Variants in BLNK observed in about 807,000 individuals in gnomAD.
BLNK encodes B-cell linker protein.
BLNK carries 29 observed loss-of-function variants against 73.5 expected under a neutral mutation model. The observed-to-expected ratio is 0.39, with a 90% CI of 0.29 to 0.54. The LOEUF is 0.54. BLNK is among the 20% of genes least tolerant of loss of function. The probability of loss-of-function intolerance (pLI) is 0.61; values close to 1 mark genes in which losing one functional copy is unlikely to be tolerated. For synonymous variants in BLNK, 176 were observed against 200.8 expected (o/e 0.88, Z 1.04); for missense variants, 460 against 562.8 (o/e 0.82, Z 1.85).
intron 16 of BLNK, among the ~76,000 whole-genome samples, chr10:96,193,617 C>T (rs1215170830): frequency 6.6e-6 from 1 of 152,152 alleles, no homozygotes; most frequent in African/African-American, 2.4e-5. Flanking sequence ...CCCTCACTCT[C>T]CTTTTTTTCT....
At chr10:96,257,475 A>G (rs1409458425) in intron 1 of BLNK, among the ~76,000 whole-genome samples, 5 of 152,238 alleles carry the variant, frequency 3.3e-5, no homozygotes, top group Non-Finnish European at 7.3e-5. Flanking sequence ...GAAAGGACCA[A>G]CAACTCTCAA....
chr10:96,210,003 G>T, intron 8 of BLNK, 96 bp from the exon 9 acceptor site: 1 of 1,289,950 alleles, frequency 7.8e-7, no homozygotes, highest in Non-Finnish European at 1.1e-6. Context: ...AGAAATATTT[G>T]CACATACTGT....
At chr10:96,259,670 C>CTTTTTTTTTTTTTTTTTTTTTTTTTTCT (rs57821919) in intron 1 of BLNK, among the ~76,000 whole-genome samples, 1 of 44,870 alleles carries the variant, frequency 2.2e-5, no homozygotes, top group Non-Finnish European at 3.7e-5. Flanking sequence ...CACACCCTAC[C>CTTTTTTTTTTTTTTTTTTTTTTTTTTCT]TTTTTTTTTT....
At chr10:96,203,288 AT>A (rs1276103307) in intron 13 of BLNK, among the ~76,000 whole-genome samples, 3 of 152,110 alleles carry the variant, frequency 2.0e-5, no homozygotes, top group South Asian at 2.1e-4. Context: ...TGTTGTCAGA[AT>A]TTTTTTTAAA....
chr10:96,253,785 G>A (rs1176834766), intron 1 of BLNK, among the ~76,000 whole-genome samples: 1 of 152,020 alleles, frequency 6.6e-6, no homozygotes, highest in Admixed American at 6.5e-5. Context: ...GGAGGCCAAG[G>A]CGGGCCGATC....
chr10:96,201,121 A>G (rs1033248910), intron 13 of BLNK, 63 bp from the exon 14 acceptor site: 16 of 1,399,146 alleles, frequency 1.1e-5, no homozygotes, highest in Middle Eastern at 1.7e-4. Flanking sequence ...TTCTATGCCT[A>G]TCCCCTAACA....
Position 96,223,433 on chromosome 10 carries a change from C to A in BLNK, c.525+393G>T, listed in dbSNP as rs1021969061. ...TGCCTTGGTCTCTCCTTCTGCCTTA[C>A]GCCCAGGAGGCAAGAATTGAGGTTG... On this transcript the variant is annotated intron_variant, in intron 6 of 16. Transcript: ENST00000224337. Among the ~76,000 whole-genome samples, 7 of 152,116 alleles carry A rather than the reference C, an allele frequency of 4.6e-5. No individual in the cohort carries two copies. The East Asian group carries it at 1.3e-3, about 29-fold the overall frequency.
chr10:96,243,418 G>A (rs1842938262), intron 2 of BLNK, among the ~76,000 whole-genome samples: 1 of 152,162 alleles, frequency 6.6e-6, no homozygotes. Flanking sequence ...ATGGTGGCAT[G>A]CACCTGTGGT....
intron 10 of BLNK, 130 bp downstream of exon 10, chr10:96,207,742 T>C: frequency 8.9e-7 from 1 of 1,118,878 alleles, no homozygotes; most frequent in Non-Finnish European, 1.3e-6. Context: ...CTTGGACTGC[T>C]TGGGCAGCAA....
At chr10:96,212,729 G>T (rs1160355030) in intron 8 of BLNK, among the ~76,000 whole-genome samples, 1 of 152,200 alleles carries the variant, frequency 6.6e-6, no homozygotes, top group African/African-American at 2.4e-5. Flanking sequence ...CACCAACTAG[G>T]CACCTGATGG....
At chr10:96,270,156 G>C (rs1181705802) in intron 1 of BLNK, among the ~76,000 whole-genome samples, 1 of 152,168 alleles carries the variant, frequency 6.6e-6, no homozygotes, top group Non-Finnish European at 1.5e-5. Flanking sequence ...GCATGTTCTT[G>C]AAATGGTTGA....
At chr10:96,198,439 A>T (rs1292577134) in intron 15 of BLNK, among the ~76,000 whole-genome samples, 5 of 152,218 alleles carry the variant, frequency 3.3e-5, no homozygotes, top group African/African-American at 1.2e-4. Context: ...GAGAAAATTG[A>T]TTTGGAATTA....
chr10:96,239,257 T>G, intron 3 of BLNK: 1 of 398,302 alleles, frequency 2.5e-6, no homozygotes. Flanking sequence ...GCTCACTTTA[T>G]CACTGGGCCC....
intron 3 of BLNK, among the ~76,000 whole-genome samples, chr10:96,231,365 T>C (rs1842492808): frequency 6.6e-6 from 1 of 152,192 alleles, no homozygotes; most frequent in Non-Finnish European, 1.5e-5. Flanking sequence ...TCCAATGTCT[T>C]AGTATGTGCC....
chr10:96,192,582 T>C (rs1297981878), intron 16 of BLNK, among the ~76,000 whole-genome samples: 1 of 152,186 alleles, frequency 6.6e-6, no homozygotes, highest in East Asian at 1.9e-4. Flanking sequence ...GAAAGCTTTA[T>C]AAACCTTCAT....
chr10:96,230,874 C>A, intron 3 of BLNK, 40 bp from the exon 4 acceptor site: 3 of 1,601,670 alleles, frequency 1.9e-6, no homozygotes, highest in Non-Finnish European at 2.6e-6. Flanking sequence ...CAAGTGTGAG[C>A]CTCAGCTGGC....
rs587690377 is a variant in BLNK at position 96,223,351 on chromosome 10, G to C, written c.525+475C>G. 1.6e-4 allele frequency among the ~76,000 whole-genome samples: 25 copies of C among 152,258 alleles called. No homozygotes were observed. The South Asian group carries it at 5.0e-3, about 30-fold the overall frequency. Reference sequence around the variant, plus strand: ...AACAGCGCACTGGATCTCTCAAGTCGTCCGCTTGGCCCTCTTCTAAGTGTA... The same window carrying C: ...AACAGCGCACTGGATCTCTCAAGTCCTCCGCTTGGCCCTCTTCTAAGTGTA... On this transcript the variant is annotated intron_variant, in intron 6 of 16. Transcript: ENST00000224337.
At chr10:96,259,133 G>A (rs989224801) in intron 1 of BLNK, among the ~76,000 whole-genome samples, 2 of 152,176 alleles carry the variant, frequency 1.3e-5, no homozygotes, top group East Asian at 1.9e-4. Flanking sequence ...CAGGGCAGGC[G>A]ACTGGCTTCA....
intron 4 of BLNK, among the ~76,000 whole-genome samples, chr10:96,229,926 G>A (rs897059508): frequency 2.6e-5 from 4 of 152,130 alleles, no homozygotes; most frequent in East Asian, 1.9e-4. Context: ...AGGACTGGAG[G>A]TCTGAGTCCT....
Sources: allele counts gnomAD v4.1 joint callset (sites outside exome capture counted in the v4.1 genomes callset), GRCh38; gene constraint gnomAD v4.1.1; transcripts MANE v1.5; gene names NCBI Gene and HGNC (gene_info 2026-07-23, HGNC 2026-07-21).